The following HCLS1 variants were observed in gnomAD, a reference collection of about 807,000 sequenced individuals.
HCLS1 encodes hematopoietic cell-specific Lyn substrate 1, also known as hematopoietic lineage cell-specific protein.
In HCLS1, 44 loss-of-function variants were observed where a neutral mutation model predicts 68.6. The ratio of observed to expected loss-of-function variants is 0.64; its 90% confidence interval spans 0.50 to 0.82. HCLS1 has a LOEUF of 0.82. Ranked by LOEUF, HCLS1 falls within the 40% of genes least tolerant of loss-of-function variation. The pLI is 0.00. For synonymous variants in HCLS1, 217 were observed against 225.8 expected (o/e 0.96, Z 0.35); for missense variants, 602 against 612.1 (o/e 0.98, Z 0.17).
intron 6 of HCLS1, among the ~76,000 whole-genome samples, chr3:121,640,238 G>GA (rs2049183979): frequency 1.3e-5 from 2 of 151,906 alleles, no homozygotes; most frequent in African/African-American, 4.8e-5. Context: ...AACTCCATGG[G>GA]AAAAAATAAT....
At chr3:121,646,370 AT>A (rs1203774667) in intron 4 of HCLS1, among the ~76,000 whole-genome samples, 1 of 64,852 alleles carries the variant, frequency 1.5e-5, no homozygotes, top group Non-Finnish European at 2.8e-5. Context: ...TATATTACAT[AT>A]TATTACTATG....
In HCLS1 at chr3:121,637,128, C is replaced by T. The variant is rs1219245050; in HGVS notation, c.565+18G>A. On this transcript the variant is annotated intron_variant, in intron 7 of 13. Transcript: ENST00000314583. ...CCCTGTGCTATCTGTGACCTTCCCC[C>T]TTCCAACCCCAACTCACCTCTCTGG... The T allele has an allele frequency of 1.3e-6, 2 of 1,555,390 alleles. No homozygotes were observed. Among genetic ancestry groups the T allele is most frequent in the Non-Finnish European group, 1.8e-6 (2 of 1,126,478 alleles).
chr3:121,636,751 G>C (rs964396300), intron 7 of HCLS1, among the ~76,000 whole-genome samples: 7 of 151,982 alleles, frequency 4.6e-5, no homozygotes, highest in African/African-American at 1.7e-4. Flanking sequence ...AAAGAAATAG[G>C]AAAAAATACA....
chr3:121,639,407 T>G (rs534044746), intron 6 of HCLS1, among the ~76,000 whole-genome samples: 2 of 152,334 alleles, frequency 1.3e-5, no homozygotes, highest in East Asian at 3.9e-4. Context: ...TCAATACCAA[T>G]AAAATTATCT....
chr3:121,650,188 G>C, intron 3 of HCLS1, among the ~76,000 whole-genome samples: 1 of 152,148 alleles, frequency 6.6e-6, no homozygotes, highest in South Asian at 2.1e-4. Flanking sequence ...AATAAATGGA[G>C]AGATATCCCA....
At chr3:121,632,274 T>C in intron 12 of HCLS1, 58 bp downstream of exon 12, 1 of 1,603,090 alleles carries the variant, frequency 6.2e-7, no homozygotes, top group African/African-American at 1.3e-5. Flanking sequence ...AAATTCTTCT[T>C]CCTCTTACCC....
At chr3:121,637,301 G>A (rs780532205) in intron 6 of HCLS1, 45 bp from the exon 7 acceptor site, 1 of 1,321,374 alleles carries the variant, frequency 7.6e-7, no homozygotes, top group Admixed American at 1.7e-5. Flanking sequence ...TTAGGCTCCA[G>A]CACACAGGGA....
At chr3:121,647,209 C>T in intron 4 of HCLS1, 110 bp downstream of exon 4, 1 of 1,080,898 alleles carries the variant, frequency 9.3e-7, no homozygotes, top group Non-Finnish European at 1.4e-6. Flanking sequence ...TCTCGATCTC[C>T]TAACCTCATG....
intron 10 of HCLS1, among the ~76,000 whole-genome samples, chr3:121,633,497 C>T (rs918836174): frequency 5.9e-5 from 9 of 152,186 alleles, no homozygotes; most frequent in Non-Finnish European, 1.0e-4. Flanking sequence ...GCTGGGATTA[C>T]AGGCATGAGC....
Position 121,647,183 on chromosome 3 carries a change from G to A in HCLS1, c.288+136C>T, listed in dbSNP as rs568394751. On this transcript the variant is annotated intron_variant, in intron 4 of 13. Transcript: ENST00000314583. ...TTTTTAGTAGAGATGGGGTTTCACC[G>A]TGTTAGCCAGGATGGTCTCGATCTC... 53 of 808,854 alleles carry A rather than the reference G, an allele frequency of 6.6e-5. 1 individual carries two copies. The highest frequency in any genetic ancestry group is 2.6e-4 in the Middle Eastern group (1 of 3,830). 50.1% of individuals were successfully genotyped at this position (808,854 alleles called of 1,614,324 possible).
intron 1 of HCLS1, among the ~76,000 whole-genome samples, chr3:121,659,973 A>G: frequency 6.6e-6 from 1 of 152,206 alleles, no homozygotes; most frequent in Non-Finnish European, 1.5e-5. Flanking sequence ...CCTATTGACC[A>G]GAAACCAGAA....
intron 3 of HCLS1, among the ~76,000 whole-genome samples, chr3:121,649,901 G>A (rs996137921): frequency 1.3e-5 from 2 of 152,078 alleles, no homozygotes; most frequent in Admixed American, 6.6e-5. Flanking sequence ...AGAATATAAG[G>A]TTTTTATTCA....
At position 121,632,368 on chromosome 3, in the gene HCLS1, C is replaced by T. The variant is rs368236790; in HGVS notation, c.1204G>A (p.Glu402Lys). 5.6e-5 allele frequency: 90 copies of T among 1,614,008 alleles called. No homozygotes were observed. The highest frequency in any genetic ancestry group is 6.9e-5 in the Non-Finnish European group (81 of 1,180,018). Residue 402 changes from glutamate (E) to lysine (K), a missense_variant, in exon 12 of 14, where the codon GAG becomes AAG. Coordinates refer to ENST00000314583, the MANE Select transcript of HCLS1 (RefSeq NM_005335.6). ...EPEGDYEEVL[E>K]PEDSSFSSAL... ...GAAGAAAAAGAAGAATCTTCAGGCT[C>T]GAGCACCTCCTCATAGTCCCCCTCT...
intron 12 of HCLS1, 54 bp from the exon 13 acceptor site, chr3:121,632,238 A>G: frequency 1.2e-6 from 2 of 1,606,772 alleles, no homozygotes; most frequent in Non-Finnish European, 1.7e-6. Context: ...AGGCAAACAG[A>G]GAAAGATCCT....
At position 121,634,230 on chromosome 3, in the gene HCLS1, G is replaced by T; in HGVS notation, c.880C>A (p.Leu294Met). The change falls in exon 10 of 14, where the codon CTG becomes ATG. Residue 294 changes from leucine to methionine, a missense_variant. Leu to Met is a conservative substitution (Grantham distance 15). Coordinates refer to ENST00000314583, the MANE Select transcript of HCLS1 (RefSeq NM_005335.6). ...AMEEPAVPAP[L>M]PKKISSEAWP... ...ACCTCTGAGGAGATTTTCTTGGGCA[G>T]TGGGGCCGGTACTGCTGGCTCTTCC... The T allele has an allele frequency of 6.2e-7, 1 of 1,614,218 alleles. No individual in the cohort carries two copies. The highest frequency in any genetic ancestry group is 8.5e-7 in the Non-Finnish European group (1 of 1,180,040).
chr3:121,651,725 TA>T (rs1291384028), intron 3 of HCLS1, among the ~76,000 whole-genome samples: 1 of 152,186 alleles, frequency 6.6e-6, no homozygotes, highest in East Asian at 1.9e-4. Context: ...CAGCTAAATT[TA>T]AAAATACTAA....
Position 121,634,427 on chromosome 3 carries a change from A to C in HCLS1, c.692-9T>G. On this transcript the variant is annotated splice_polypyrimidine_tract_variant and intron_variant, in intron 9 of 13. Transcript: ENST00000314583. Reference sequence around the variant, plus strand: ...ACGGGTACCACTAGAAGCTGCAGACACAGGCAAGAAAAATTAGGGTTGTCT... The same window carrying C: ...ACGGGTACCACTAGAAGCTGCAGACCCAGGCAAGAAAAATTAGGGTTGTCT... The C allele has an allele frequency of 6.2e-7, 1 of 1,613,730 alleles. No homozygotes were observed. The highest frequency in any genetic ancestry group is 8.5e-7 in the Non-Finnish European group (1 of 1,179,670).
chr3:121,655,683 T>TTTTC (rs1937849658), intron 3 of HCLS1: 1 of 143,030 alleles, frequency 7.0e-6, no homozygotes, highest in African/African-American at 2.5e-5. Context: ...TCTTGTGGTT[T>TTTTC]TTTTTTTTTT....
At chr3:121,644,185 T>G in intron 5 of HCLS1, 1 of 168,014 alleles carries the variant, frequency 6.0e-6, no homozygotes, top group Non-Finnish European at 1.3e-5. Context: ...AAAAAATGAG[T>G]TCAAAGAATC....
Sources: allele counts gnomAD v4.1 joint callset (sites outside exome capture counted in the v4.1 genomes callset), GRCh38; gene constraint gnomAD v4.1.1; transcripts MANE v1.5; gene names NCBI Gene and HGNC (gene_info 2026-07-23, HGNC 2026-07-21).